CLASP2: variants seen among roughly 807,000 people sequenced by gnomAD.
CLASP2 encodes the protein cytoplasmic linker associated protein 2.
A neutral mutation model predicts 194.4 loss-of-function variants in CLASP2; 47 were observed. The observed-to-expected ratio is 0.24, with a 90% CI of 0.19 to 0.31. The LOEUF is 0.31. Among genes scored for constraint, CLASP2 ranks in the 10% least tolerant of loss-of-function variants. CLASP2 has a pLI of 1.00. For synonymous variants in CLASP2, 619 were observed against 633.5 expected (o/e 0.98, Z 0.34); for missense variants, 1,445 against 1,823.6 (o/e 0.79, Z 3.78).
At chr3:33,711,553 C>G (rs1243717887) in intron 1 of CLASP2, among the ~76,000 whole-genome samples, 1 of 151,704 alleles carries the variant, frequency 6.6e-6, no homozygotes, top group African/African-American at 2.4e-5. Flanking sequence ...AGCCACCATG[C>G]TCAGCGCAGT....
chr3:33,670,642 C>A (rs1019212276), intron 6 of CLASP2, among the ~76,000 whole-genome samples: 6 of 152,134 alleles, frequency 3.9e-5, no homozygotes, highest in African/African-American at 1.4e-4. Flanking sequence ...TCACAACTTA[C>A]CAGAGCATAA....
chr3:33,543,583 T>G, intron 31 of CLASP2, 44 bp from the exon 32 acceptor site: 1 of 1,255,772 alleles, frequency 8.0e-7, no homozygotes, highest in East Asian at 2.3e-5. Context: ...TACAGGTAAG[T>G]TCACTTAAAA....
intron 29 of CLASP2, among the ~76,000 whole-genome samples, chr3:33,557,804 A>C (rs529112134): frequency 2.2e-4 from 33 of 152,344 alleles, no homozygotes; most frequent in Middle Eastern, 3.4e-3. Flanking sequence ...TAAGAAAACA[A>C]CATTATATTG....
intron 9 of CLASP2, among the ~76,000 whole-genome samples, chr3:33,631,295 A>G (rs1248583224): frequency 6.6e-6 from 1 of 152,254 alleles, no homozygotes; most frequent in Non-Finnish European, 1.5e-5. Flanking sequence ...ACAACCCTAC[A>G]GGGTAACATC....
Position 33,647,748 on chromosome 3 carries a change from A to T in CLASP2, c.716-2845T>A, listed in dbSNP as rs531202355. On this transcript the variant is annotated intron_variant, in intron 7 of 38. Transcript: ENST00000682230. ...CTAGGCTAACTACTAAAAGAAGAGT[A>T]AGTAGGCCGGGCGCGGTGGCTCACG... Among the ~76,000 whole-genome samples, 4 of 152,306 alleles carry T rather than the reference A, an allele frequency of 2.6e-5. No homozygotes were observed. In the East Asian group the frequency reaches 7.7e-4, roughly 29 times the overall value.
At chr3:33,606,314 T>C (rs1053865696) in intron 16 of CLASP2, among the ~76,000 whole-genome samples, 1 of 152,054 alleles carries the variant, frequency 6.6e-6, no homozygotes, top group Non-Finnish European at 1.5e-5. Context: ...ACTGTTTTTG[T>C]GGTATTAAAA....
intron 6 of CLASP2, among the ~76,000 whole-genome samples, chr3:33,677,799 T>C (rs1444327506): frequency 6.6e-6 from 1 of 150,624 alleles, no homozygotes; most frequent in Non-Finnish European, 1.5e-5. Flanking sequence ...AATAAAAAAT[T>C]TATCTAAAGT....
chr3:33,697,438 G>A (rs1462867015), intron 1 of CLASP2, among the ~76,000 whole-genome samples: 2 of 152,074 alleles, frequency 1.3e-5, no homozygotes, highest in South Asian at 2.1e-4. Flanking sequence ...TGGTATTTGC[G>A]TACCTAAACA....
At chr3:33,688,132 T>G (rs1331246639) in intron 4 of CLASP2, 145 bp downstream of exon 4, 2 of 547,784 alleles carry the variant, frequency 3.7e-6, no homozygotes, top group Non-Finnish European at 6.3e-6. Flanking sequence ...ACACAAAAAA[T>G]GAACAGTAAA....
intron 21 of CLASP2, among the ~76,000 whole-genome samples, chr3:33,585,555 A>G (rs1156463746): frequency 6.6e-6 from 1 of 152,232 alleles, no homozygotes; most frequent in Non-Finnish European, 1.5e-5. Context: ...AAGGTACAGT[A>G]AAAATATAGT....
intron 6 of CLASP2, among the ~76,000 whole-genome samples, chr3:33,668,987 A>C (rs1247729912): frequency 2.0e-5 from 3 of 152,176 alleles, no homozygotes; most frequent in Non-Finnish European, 4.4e-5. Context: ...CATATGATAA[A>C]ACCCCTATGA....
chr3:33,660,150 G>A (rs1422534509), intron 7 of CLASP2, among the ~76,000 whole-genome samples: 3 of 152,156 alleles, frequency 2.0e-5, no homozygotes, highest in African/African-American at 4.8e-5. Flanking sequence ...TGCAATTACA[G>A]CCACCAACAC....
chr3:33,706,436 CAAA>C (rs2092688589), intron 1 of CLASP2, among the ~76,000 whole-genome samples: 1 of 152,120 alleles, frequency 6.6e-6, no homozygotes. Flanking sequence ...CATAACCACA[CAAA>C]AGACTATTTT....
At position 33,714,362 on chromosome 3, in the gene CLASP2, TG is replaced by T. The variant is rs570511642; in HGVS notation, c.195+3445del. ...TCAATTATGACTTCTCCATTGAACT[TG>T]GGACCCCAACTGTCTATCATCTCAA... On this transcript the variant is annotated intron_variant, in intron 1 of 38. Transcript: ENST00000682230. Among the ~76,000 whole-genome samples the T allele has an allele frequency of 1.3e-4, 20 of 152,334 alleles. 1 individual carries two copies. The South Asian group carries it at 3.9e-3, about 30-fold the overall frequency.
At chr3:33,548,748 A>C (rs1393079708) in intron 30 of CLASP2, among the ~76,000 whole-genome samples, 2 of 147,988 alleles carry the variant, frequency 1.4e-5, no homozygotes. Context: ...ATAGGTAACG[A>C]CTACGGTTTC....
At chr3:33,506,377 CGAAAAAAAAAAAAAAAA>C (rs1448842757) in intron 37 of CLASP2, among the ~76,000 whole-genome samples, 1 of 61,890 alleles carries the variant, frequency 1.6e-5, no homozygotes, top group Admixed American at 2.7e-4. Context: ...GACTCTGTCT[CGAAAAAAAAAAAAAAAA>C]AAAAAAAAAA....
At chr3:33,553,530 A>AGCC (rs2060396707) in intron 29 of CLASP2, among the ~76,000 whole-genome samples, 1 of 152,232 alleles carries the variant, frequency 6.6e-6, no homozygotes, top group Non-Finnish European at 1.5e-5. Context: ...ACTATTTAGA[A>AGCC]AATGGGCAAA....
At position 33,535,348 on chromosome 3, in the gene CLASP2, G is replaced by C. The variant is rs748701885; in HGVS notation, c.3672C>G (p.Ser1224=). ...GATTATAGTCTCGAGAGCGTGGAGAGGAGTGAGTAGGCATTGAATGGAGCA... is the reference window on the plus strand; with the variant it reads ...GATTATAGTCTCGAGAGCGTGGAGACGAGTGAGTAGGCATTGAATGGAGCA... ...ASLLHSMPTH[S]SPRSRDYNPY... is the part of the protein sequence containing the mutation. Residue 1224 remains serine, a synonymous_variant, in exon 34 of 39, where the codon TCC becomes TCG. Coordinates refer to ENST00000682230, the MANE Select transcript of CLASP2 (RefSeq NM_001365631.1). 2.5e-6 allele frequency: 4 copies of C among 1,613,734 alleles called. No homozygotes were observed. The highest frequency in any genetic ancestry group is 1.6e-4 in the Middle Eastern group (1 of 6,084).
chr3:33,608,497 A>G (rs2074378476), intron 14 of CLASP2, 70 bp downstream of exon 14: 2 of 1,202,978 alleles, frequency 1.7e-6, no homozygotes, highest in Non-Finnish European at 2.4e-6. Context: ...TGTAAAACCA[A>G]TACCATCAAC....
Sources: gnomAD v4.1 joint callset for allele counts (sites outside exome capture counted in the v4.1 genomes callset) on GRCh38, gnomAD v4.1.1 for gene constraint, MANE v1.5 for transcripts, NCBI Gene and HGNC (gene_info 2026-07-23, HGNC 2026-07-21) for gene names.